The following TRIB2 variants were observed in gnomAD, a reference collection of about 807,000 sequenced individuals.
TRIB2 encodes tribbles homolog 2.
Under a neutral mutation model 26.8 loss-of-function variants are expected in TRIB2, and 2 were observed. That is an observed-to-expected ratio of 0.07 (90% CI 0.03 to 0.24). The LOEUF (loss-of-function observed/expected upper bound fraction) is 0.24. Ranked by LOEUF, TRIB2 falls within the 10% of genes least tolerant of loss-of-function variation. The pLI is 1.00. For synonymous variants in TRIB2, 189 were observed against 187.3 expected (o/e 1.01, Z -0.08); for missense variants, 306 against 449.0 (o/e 0.68, Z 2.88).
intron 1 of TRIB2, among the ~76,000 whole-genome samples, chr2:12,719,265 C>G (rs1167609979): frequency 2.0e-5 from 3 of 152,166 alleles, no homozygotes; most frequent in Non-Finnish European, 4.4e-5. Flanking sequence ...CATCCCCTCT[C>G]TTCCGTGCCC....
At position 12,740,140 on chromosome 2, in the gene TRIB2, C is replaced by T. The variant is rs1286175020; in HGVS notation, c.564-186C>T. Among the ~76,000 whole-genome samples, 1 of 152,138 alleles carries T rather than the reference C, an allele frequency of 6.6e-6. No homozygotes were observed. The highest frequency in any genetic ancestry group is 1.5e-5 in the Non-Finnish European group (1 of 68,030). On this transcript the variant is annotated intron_variant, in intron 2 of 2. Coordinates refer to ENST00000155926, the MANE Select transcript of TRIB2 (RefSeq NM_021643.4). This position sits in a 1 kb window ranked among gnomAD's most constrained non-coding sequence, Gnocchi z 5.8. ...TGTTCACCCATGTGGGTGTCCTCAG[C>T]CCTGGAATAGTAGCTGGCAGCTAGA...
chr2:12,723,508 G>A lies in TRIB2; in HGVS notation c.519G>A (p.Leu173=), dbSNP rs1661270861. ...VAHCHDGGLV[L]RDLKLRKFIF... Reference sequence around the variant, plus strand: ...ACTGCCATGACGGGGGGCTGGTGCTGCGGGACCTCAAGCTGCGGAAATTCA... The same window carrying A: ...ACTGCCATGACGGGGGGCTGGTGCTACGGGACCTCAAGCTGCGGAAATTCA... Residue 173 remains leucine, a synonymous_variant, in exon 2 of 3, where the codon CTG becomes CTA. Transcript: ENST00000155926. 1 of 1,614,080 alleles carries A rather than the reference G, an allele frequency of 6.2e-7. No individual in the cohort carries two copies. Among genetic ancestry groups the A allele is most frequent in the Non-Finnish European group, 8.5e-7 (1 of 1,180,032 alleles).
At chr2:12,730,573 C>T (rs1157797781) in intron 2 of TRIB2, among the ~76,000 whole-genome samples, 4 of 152,198 alleles carry the variant, frequency 2.6e-5, no homozygotes, top group Admixed American at 1.3e-4. Context: ...GGCAGTCCTA[C>T]GTCCTGTTGT....
rs1325212906 is a variant in TRIB2, at chr2:12,718,374, G to A, written c.67G>A (p.Asp23Asn). The change falls in exon 1 of 3, where the codon GAT (aspartate) becomes AAT (asparagine). Residue 23 changes from aspartate to asparagine, a missense_variant. Physicochemically the swap from Asp to Asn is conservative, Grantham distance 23. Transcript: ENST00000155926. This position sits in a 1 kb window ranked among gnomAD's most constrained non-coding sequence, Gnocchi z 4.0. The part of the protein sequence containing the change: ...RYGRSRNKTQ[D>N]FEELSSIRSA... ...TGGGAGATCGCGGAACAAAACCCAG[G>A]ATTTCGAAGAGTTGTCGTCTATAAG... 6.2e-7 allele frequency: 1 copy of A among 1,614,210 alleles called. No individual in the cohort carries two copies. The highest frequency in any genetic ancestry group is 8.5e-7 in the Non-Finnish European group (1 of 1,180,030).
intron 2 of TRIB2, among the ~76,000 whole-genome samples, chr2:12,727,681 A>G (rs17465023): frequency 0.4 from 61,102 of 152,008 alleles, 14,874 homozygotes; most frequent in East Asian, 0.82. Context: ...TGCAGGGCAG[A>G]GCCTGGTTCT....
rs1323921472 is a variant in TRIB2, at chr2:12,740,468, G to A, written c.706G>A (p.Asp236Asn). The A allele has an allele frequency of 1.2e-6, 2 of 1,614,176 alleles. No homozygotes were observed. The highest frequency in any genetic ancestry group is 1.7e-6 in the Non-Finnish European group (2 of 1,180,046). The change falls in exon 3 of 3, where the codon GAC becomes AAC. Residue 236 changes from aspartate to asparagine, a missense_variant. Physicochemically the swap from Asp to Asn is conservative, Grantham distance 23. This residue lies in a region of TRIB2 where 11 missense variants were observed against 48.7 expected (regional missense o/e 0.23). Transcript: ENST00000155926. The surrounding 1 kb of genome is among the most constrained non-coding windows in gnomAD (Gnocchi z 5.8). ...TSGSYSGKAA[D>N]VWSLGVMLYT... ...TGGCAGCTACTCGGGCAAAGCAGCC[G>A]ACGTGTGGAGCCTGGGGGTGATGCT...
At position 12,723,392 on chromosome 2, in the gene TRIB2, G is replaced by A; in HGVS notation, c.403G>A (p.Gly135Arg). ...CTATGTGTTCTTTGAGCGAAGCTAT[G>A]GGGACATGCATTCCTTCGTCCGCAC... ...KAYVFFERSY[G>R]DMHSFVRTCK... The change falls in exon 2 of 3, where the codon GGG (glycine) becomes AGG (arginine). Residue 135 changes from glycine (G) to arginine (R), a missense_variant. Around this residue, in one of 4 missense-constraint regions of TRIB2, gnomAD observed 118 missense variants for 188.8 expected, o/e 0.63. Transcript: ENST00000155926. The A allele has an allele frequency of 6.2e-7, 1 of 1,614,232 alleles. No homozygotes were observed. Among genetic ancestry groups the A allele is most frequent in the South Asian group, 1.1e-5 (1 of 91,086 alleles).
At chr2:12,728,309 T>TACCTAGCACACAGTCAGCCATAA (rs11269382) in intron 2 of TRIB2, among the ~76,000 whole-genome samples, 1 of 152,100 alleles carries the variant, frequency 6.6e-6, no homozygotes, top group South Asian at 2.1e-4. Context: ...CGGGAGCTCC[T>TACCTAGCACACAGTCAGCCATAA]GCTGATGGAA....
In TRIB2 at chr2:12,732,163, G is replaced by A. The variant is rs1163532350; in HGVS notation, c.564-8163G>A. Among the ~76,000 whole-genome samples the A allele has an allele frequency of 2.0e-5, 3 of 152,126 alleles. No individual in the cohort carries two copies. Among genetic ancestry groups the A allele is most frequent in the East Asian group, 1.9e-4 (1 of 5,174 alleles). ...TGCATGGGGGCGTGGGAAGGTGTTC[G>A]GGTACAATGAGACTCCCCTGTTCAT... On this transcript the variant is annotated intron_variant, in intron 2 of 2. Transcript: ENST00000155926. This position sits in a 1 kb window ranked among gnomAD's most constrained non-coding sequence, Gnocchi z 4.2.
rs151156228 is a variant in TRIB2 at position 12,722,508 on chromosome 2, C to T, written c.271-752C>T. On this transcript the variant is annotated intron_variant, in intron 1 of 2. Transcript: ENST00000155926. ...TCTGTTTCAAAAGGTATTGATGGTG[C>T]CTTTTCTTTTTAAGCAACCGCACAA... Among the ~76,000 whole-genome samples the T allele has an allele frequency of 1.5e-3, 225 of 152,276 alleles. 1 individual carries two copies. Among genetic ancestry groups the T allele is most frequent in the African/African-American group, 5.2e-3 (214 of 41,552 alleles).
chr2:12,722,073 G>A (rs1194586693), intron 1 of TRIB2, among the ~76,000 whole-genome samples: 1 of 152,172 alleles, frequency 6.6e-6, no homozygotes, highest in African/African-American at 2.4e-5. Context: ...GTAACCCTAA[G>A]CTCTTTATCC....
chr2:12,725,816 A>G (rs10171579), intron 2 of TRIB2, among the ~76,000 whole-genome samples: 23,483 of 152,280 alleles, frequency 0.15, 1,974 homozygotes, highest in Middle Eastern at 0.23. Context: ...GAGCTGGCCT[A>G]TATAGTCCCT....
At chr2:12,728,723 C>T (rs915285763) in intron 2 of TRIB2, among the ~76,000 whole-genome samples, 1 of 152,208 alleles carries the variant, frequency 6.6e-6, no homozygotes, top group Non-Finnish European at 1.5e-5. Flanking sequence ...TTTGCAGGAA[C>T]TCAGTGGCCT....
rs999711709 is a variant in TRIB2, at chr2:12,732,027, C to T, written c.564-8299C>T. Reference sequence around the variant, plus strand: ...GTGAATGGAGCATTGATGAGGAATTCCTGTCAGCATGGCTTCCTCTTTCTT... The same window carrying T: ...GTGAATGGAGCATTGATGAGGAATTTCTGTCAGCATGGCTTCCTCTTTCTT... On this transcript the variant is annotated intron_variant, in intron 2 of 2. Transcript: ENST00000155926. The surrounding 1 kb of genome is among the most constrained non-coding windows in gnomAD (Gnocchi z 4.2). Among the ~76,000 whole-genome samples, 1 of 152,162 alleles carries T rather than the reference C, an allele frequency of 6.6e-6. No homozygotes were observed. The highest frequency in any genetic ancestry group is 2.4e-5 in the African/African-American group (1 of 41,440).
At chr2:12,721,592 C>A (rs1208708263) in intron 1 of TRIB2, among the ~76,000 whole-genome samples, 2 of 152,186 alleles carry the variant, frequency 1.3e-5, no homozygotes, top group African/African-American at 4.8e-5. Context: ...TAGGTCACTG[C>A]TCTTGGGTCA....
chr2:12,723,595 C>T lies in TRIB2; in HGVS notation c.563+43C>T, dbSNP rs747668837. On this transcript the variant is annotated intron_variant, in intron 2 of 2. Coordinates refer to ENST00000155926, the MANE Select transcript of TRIB2 (RefSeq NM_021643.4). ...CAGACCTGGGTACTGTGATGGACTGCTCCTAACAACAGCTTCCTAGAAAAG... is the reference window on the plus strand; with the variant it reads ...CAGACCTGGGTACTGTGATGGACTGTTCCTAACAACAGCTTCCTAGAAAAG... The T allele has an allele frequency of 3.2e-6, 5 of 1,568,766 alleles. 1 individual carries two copies. The South Asian group carries it at 5.9e-5, about 19-fold the overall frequency.
rs995571525 is a variant in TRIB2, at chr2:12,740,206, G to A, written c.564-120G>A. The A allele has an allele frequency of 2.8e-5, 27 of 980,908 alleles. No individual in the cohort carries two copies. The African/African-American group carries it at 3.6e-4, about 13-fold the overall frequency. 60.8% of individuals were successfully genotyped at this position (980,908 alleles called of 1,614,324 possible). A position where few individuals can be genotyped will look rare whatever the true frequency, so the allele number is the denominator to read the frequency against. The stretch of plus-strand genomic sequence containing the variant: ...AATGTTTGGCTGGTCAGATGAATGC[G>A]TGAATGAATGAATGTGAATGAGGAG... On this transcript the variant is annotated intron_variant, in intron 2 of 2. Transcript: ENST00000155926. The surrounding 1 kb of genome is among the most constrained non-coding windows in gnomAD (Gnocchi z 5.8).
At position 12,717,827 on chromosome 2, in the gene TRIB2, G is replaced by C. The variant is rs1049384931; in HGVS notation, c.-481G>C. ...CTTGTTTCCTTTCTCTTTTTGTTTG[G>C]CTTCTAACGCGTTGGGACTGAGTCG... is the stretch of plus-strand genomic sequence containing the variant. On this transcript the variant is annotated 5_prime_UTR_variant, in exon 1 of 3. Transcript: ENST00000155926. The surrounding 1 kb of genome is among the most constrained non-coding windows in gnomAD (Gnocchi z 4.8). The C allele has an allele frequency of 2.8e-5, 7 of 247,826 alleles. No individual in the cohort carries two copies. The highest frequency in any genetic ancestry group is 1.6e-4 in the African/African-American group (7 of 44,876). The allele number at this position is 247,826 out of a possible 1,614,324, so 15.4% of individuals were successfully genotyped here.
At chr2:12,720,463 T>G (rs1394252760) in intron 1 of TRIB2, among the ~76,000 whole-genome samples, 1 of 152,246 alleles carries the variant, frequency 6.6e-6, no homozygotes, top group Non-Finnish European at 1.5e-5. Context: ...GGGTGACTTC[T>G]TATGCAAGCA....
Sources: gnomAD v4.1 joint callset for allele counts (sites outside exome capture counted in the v4.1 genomes callset) on GRCh38, gnomAD v4.1.1 for gene constraint, gnomAD v4.1.1 regional missense constraint, Gnocchi (gnomAD v3.1) non-coding constraint, MANE v1.5 for transcripts, NCBI Gene and HGNC (gene_info 2026-07-23, HGNC 2026-07-21) for gene names.